Variants in IGSF23 observed in about 807,000 individuals in gnomAD.
The protein encoded by IGSF23 is immunoglobulin superfamily member 23, also known as immunoglobulin superfamily, member 23.
Under a neutral mutation model 17.8 loss-of-function variants are expected in IGSF23, and 14 were observed. The ratio of observed to expected loss-of-function variants is 0.79; its 90% CI spans 0.52 to 1.23. IGSF23 has a LOEUF of 1.23. IGSF23 is among the 50% of genes most tolerant of loss of function. The pLI, the probability that IGSF23 is intolerant of heterozygous loss-of-function variation, is 0.00. For missense variants in IGSF23, 214 were observed against 241.7 expected, an observed-to-expected ratio of 0.89 and a Z score of 0.76; for synonymous variants, 85 against 92.5, an observed-to-expected ratio of 0.92 and a Z score of 0.46.
intron 1 of IGSF23, among the ~76,000 whole-genome samples, chr19:44,614,560 G>A (rs1972326854): frequency 6.6e-6 from 1 of 152,042 alleles, no homozygotes; most frequent in Admixed American, 6.6e-5. Flanking sequence ...AGCGTCCTGC[G>A]TAGCTGGGAC....
At chr19:44,631,795 G>A (rs116272438) in intron 3 of IGSF23, among the ~76,000 whole-genome samples, 89 of 152,340 alleles carry the variant, frequency 5.8e-4, no homozygotes, top group African/African-American at 2.0e-3. Flanking sequence ...TCACTCATGC[G>A]GTTGTTTGTG....
intron 3 of IGSF23, among the ~76,000 whole-genome samples, chr19:44,630,790 A>G (rs1388901171): frequency 6.6e-6 from 1 of 152,238 alleles, no homozygotes; most frequent in Non-Finnish European, 1.5e-5. Flanking sequence ...TGGGCTAGGC[A>G]GGAACCCCAT....
At chr19:44,635,545 T>A in intron 4 of IGSF23, 80 bp downstream of exon 4, 1 of 954,776 alleles carries the variant, frequency 1.0e-6, no homozygotes, top group South Asian at 1.5e-5. Flanking sequence ...CATATGTGAT[T>A]TCCTCCCTCC....
At chr19:44,630,417 C>G (rs1374951055) in intron 3 of IGSF23, among the ~76,000 whole-genome samples, 1 of 152,240 alleles carries the variant, frequency 6.6e-6, no homozygotes, top group Non-Finnish European at 1.5e-5. Context: ...CTCAGAAAAG[C>G]TCATTAACTT....
At chr19:44,617,912 G>A (rs139489457) in intron 1 of IGSF23, among the ~76,000 whole-genome samples, 4 of 152,254 alleles carry the variant, frequency 2.6e-5, no homozygotes, top group African/African-American at 9.6e-5. Context: ...AAAGGTAAGG[G>A]GACCCCAACA....
intron 2 of IGSF23, among the ~76,000 whole-genome samples, chr19:44,625,819 C>T (rs1464567768): frequency 6.6e-6 from 1 of 152,124 alleles, no homozygotes; most frequent in Non-Finnish European, 1.5e-5. Flanking sequence ...ATCATGGGGT[C>T]AAGTTTTTCC....
intron 1 of IGSF23, among the ~76,000 whole-genome samples, chr19:44,621,107 C>T (rs140562475): frequency 5.3e-5 from 8 of 149,912 alleles, no homozygotes; most frequent in East Asian, 4.1e-4. Context: ...CATGATGAGA[C>T]GCCCATCTCA....
At chr19:44,616,462 C>T (rs1385665915) in intron 1 of IGSF23, among the ~76,000 whole-genome samples, 5 of 151,960 alleles carry the variant, frequency 3.3e-5, no homozygotes, top group Non-Finnish European at 5.9e-5. Flanking sequence ...CTTTGGGAGG[C>T]CCAGGCAGGC....
chr19:44,624,787 T>C (rs1422074099), intron 2 of IGSF23, among the ~76,000 whole-genome samples: 1 of 149,436 alleles, frequency 6.7e-6, no homozygotes, highest in Non-Finnish European at 1.5e-5. Flanking sequence ...GTGGGCCAGG[T>C]GCAGTGGCTC....
intron 2 of IGSF23, 42 bp from the exon 3 acceptor site, chr19:44,627,378 G>A (rs765068999): frequency 1.9e-5 from 28 of 1,466,602 alleles, no homozygotes; most frequent in South Asian, 9.5e-5. Flanking sequence ...CAGGGAGGGC[G>A]GGCAGATGGC....
chr19:44,617,853 C>T (rs1159991061), intron 1 of IGSF23, among the ~76,000 whole-genome samples: 1 of 152,154 alleles, frequency 6.6e-6, no homozygotes, highest in African/African-American at 2.4e-5. Flanking sequence ...CCCCCGCTGC[C>T]CTCTCCTCTT....
At position 44,624,186 on chromosome 19, in the gene IGSF23, CTTTTCTTTCTTCTTCT is replaced by C. The variant is rs958676137; in HGVS notation, c.391+228_391+243del. ...TTCTTTCTTCTTTCCTCTTCTTCTT[CTTTTCTTTCTTCTTCT>C]TTTTCTTTCTTCTCCTTCTTTTCCT... is the stretch of plus-strand genomic sequence containing the variant. On this transcript the variant is annotated intron_variant, in intron 2 of 4. Coordinates refer to ENST00000402988, the MANE Select transcript of IGSF23 (RefSeq NM_001205280.2). Among the ~76,000 whole-genome samples the C allele has an allele frequency of 1.7e-4, 26 of 152,130 alleles. 1 individual carries two copies. In the South Asian group the frequency reaches 1.9e-3, roughly 11 times the overall value.
intron 1 of IGSF23, among the ~76,000 whole-genome samples, chr19:44,619,396 T>C (rs1972460606): frequency 6.6e-6 from 1 of 152,182 alleles, no homozygotes; most frequent in Admixed American, 6.5e-5. Flanking sequence ...TTGGGAAAGG[T>C]AGAGAAGGTC....
In IGSF23 at chr19:44,613,618, C is replaced by T; in HGVS notation, c.-28C>T. On this transcript the variant is annotated 5_prime_UTR_variant, in exon 1 of 5. Coordinates refer to ENST00000402988, the MANE Select transcript of IGSF23 (RefSeq NM_001205280.2). ...CGGGCGATTCTGCTTCTCCCTCCAT[C>T]TCCCGGCGGGGATTGTACGGTGAGA... 5 of 1,519,468 alleles carry T rather than the reference C, an allele frequency of 3.3e-6. No homozygotes were observed. In the South Asian group the frequency reaches 6.1e-5, roughly 19 times the overall value. 94.1% of individuals were successfully genotyped at this position (1,519,468 alleles called of 1,614,324 possible).
chr19:44,613,756 C>T lies in IGSF23; in HGVS notation c.111C>T (p.Phe37=). The T allele has an allele frequency of 6.4e-7, 1 of 1,550,474 alleles. No individual in the cohort carries two copies. Among genetic ancestry groups the T allele is most frequent in the South Asian group, 1.2e-5 (1 of 84,042 alleles). Residue 37 remains phenylalanine (F), a synonymous_variant, in exon 1 of 5, where the codon TTC becomes TTT. Coordinates refer to ENST00000402988, the MANE Select transcript of IGSF23 (RefSeq NM_001205280.2). ...AGAAGGATGCGGCTGGAGGTGACTT[C>T]CCAGCCAACTTGGTGTAAGTCATGT... is the stretch of plus-strand genomic sequence containing the variant. ...MLEKDAAGGD[F]PANLVLQLMP... is the part of the protein sequence containing the mutation.
rs554946240 is a variant in IGSF23 at position 44,617,715 on chromosome 19, TA to T, written c.125+3948del. 1.3e-4 allele frequency among the ~76,000 whole-genome samples: 20 copies of T among 151,868 alleles called. No individual in the cohort carries two copies. The East Asian group carries it at 3.7e-3, about 28-fold the overall frequency. ...TGTTGGGTGAGGGGTTGGGTAGGAG[TA>T]AATGGAGCAAAGCAGATCCCAGAAC... On this transcript the variant is annotated intron_variant, in intron 1 of 4. Transcript: ENST00000402988.
At chr19:44,622,472 A>G (rs2123719175) in intron 1 of IGSF23, among the ~76,000 whole-genome samples, 1 of 152,264 alleles carries the variant, frequency 6.6e-6, no homozygotes, top group Non-Finnish European at 1.5e-5. Context: ...GCCTGGCCCT[A>G]ATGAGCCCCA....
intron 1 of IGSF23, among the ~76,000 whole-genome samples, chr19:44,619,397 A>T (rs968318163): frequency 3.9e-5 from 6 of 152,252 alleles, no homozygotes; most frequent in African/African-American, 1.4e-4. Flanking sequence ...TGGGAAAGGT[A>T]GAGAAGGTCT....
At chr19:44,633,700 C>T (rs1972820253) in intron 3 of IGSF23, among the ~76,000 whole-genome samples, 1 of 152,190 alleles carries the variant, frequency 6.6e-6, no homozygotes, top group Admixed American at 6.5e-5. Flanking sequence ...ATGTCCGCTC[C>T]TGTATCTGCC....
Sources: allele counts gnomAD v4.1 joint callset (sites outside exome capture counted in the v4.1 genomes callset), GRCh38; gene constraint gnomAD v4.1.1; transcripts MANE v1.5; gene names NCBI Gene and HGNC (gene_info 2026-07-23, HGNC 2026-07-21).